Variants in MDN1 observed in about 807,000 individuals in gnomAD.
MDN1 encodes midasin AAA ATPase 1.
Under a neutral mutation model 669.2 loss-of-function variants are expected in MDN1, and 266 were observed. That is an observed-to-expected ratio of 0.40 (90% CI 0.36 to 0.44). MDN1 has a LOEUF of 0.44. MDN1 is among the 20% of genes least tolerant of loss of function. The probability of loss-of-function intolerance (pLI) is 1.00; values close to 1 mark genes in which losing one functional copy is unlikely to be tolerated. For synonymous variants in MDN1, 2,385 were observed against 2,457.1 expected (o/e 0.97, Z 0.87); for missense variants, 5,940 against 6,754.0 (o/e 0.88, Z 4.22).
chr6:89,701,564 A>T lies in MDN1; in HGVS notation c.8421T>A (p.Pro2807=), dbSNP rs751667571. Residue 2807 remains proline (P), a synonymous_variant, in exon 55 of 102, where the codon CCT becomes CCA. Coordinates refer to ENST00000369393, the MANE Select transcript of MDN1 (RefSeq NM_014611.3). The stretch of plus-strand genomic sequence containing the variant: ...TAAATGCTTCCAGGTGTACCTTAAA[A>T]GGAAACGGTCGTCCCAGGAACTTCT... ...KLQKFLGRPF[P]FKDKLVVECF... is the part of the protein sequence containing the mutation. 1.2e-6 allele frequency: 2 copies of T among 1,613,970 alleles called. No individual in the cohort carries two copies. The highest frequency in any genetic ancestry group is 4.5e-5 in the East Asian group (2 of 44,888).
chr6:89,796,340 A>AAAAAC lies in MDN1; in HGVS notation c.330-1540_330-1539insGTTTT, dbSNP rs1562228993. On this transcript the variant is annotated intron_variant, in intron 2 of 101. Transcript: ENST00000369393. ...ACTCTGTCTCAAAAAAAAAAAAAAA[A>AAAAAC]AAAAAAAAAACAAAAAAAAAAACCA... Among the ~76,000 whole-genome samples, 47 of 116,686 alleles carry AAAAAC rather than the reference A, an allele frequency of 4.0e-4. 2 individuals are homozygous for AAAAAC. The highest frequency in any genetic ancestry group is 2.0e-3 in the South Asian group (7 of 3,472). 76.6% of individuals were successfully genotyped at this position (116,686 alleles called of 152,430 possible). A position where few individuals can be genotyped will look rare whatever the true frequency, so the allele number is the denominator to read the frequency against.
intron 59 of MDN1, 26 bp from the exon 60 acceptor site, chr6:89,696,600 A>C (rs1229823381): frequency 2.6e-6 from 4 of 1,564,512 alleles, no homozygotes; most frequent in Non-Finnish European, 3.5e-6. Flanking sequence ...AGAGTCAATA[A>C]CTTTTAGAAA....
At chr6:89,743,848 C>A (rs1816424275) in intron 29 of MDN1, 134 bp from the exon 30 acceptor site, 2 of 936,582 alleles carry the variant, frequency 2.1e-6, no homozygotes, top group South Asian at 3.2e-5. Flanking sequence ...CAATGTGGAA[C>A]CTCAACCCCA....
In MDN1 at chr6:89,819,764, C is replaced by G; in HGVS notation, c.-157G>C. ...CCTACACCGGGAGAGGGGCACCACA[C>G]GTGGGTGAGCACACGGCGTTTGACG... On this transcript the variant is annotated 5_prime_UTR_variant, in exon 1 of 102. Coordinates refer to ENST00000369393, the MANE Select transcript of MDN1 (RefSeq NM_014611.3). 1 of 625,506 alleles carries G rather than the reference C, an allele frequency of 1.6e-6. No individual in the cohort carries two copies. Among genetic ancestry groups the G allele is most frequent in the Non-Finnish European group, 2.8e-6 (1 of 351,950 alleles). The allele number at this position is 625,506 out of a possible 1,614,324, so 38.7% of individuals were successfully genotyped here.
chr6:89,644,879 A>G (rs1808386607), intron 101 of MDN1, 136 bp downstream of exon 101: 18 of 907,320 alleles, frequency 2.0e-5, no homozygotes, highest in Non-Finnish European at 2.6e-5. Flanking sequence ...AGTGCCTACA[A>G]TGGTACTTGA....
At chr6:89,709,896 C>T (rs149528359) in intron 50 of MDN1, among the ~76,000 whole-genome samples, 260 of 152,164 alleles carry the variant, frequency 1.7e-3, no homozygotes, top group Non-Finnish European at 3.1e-3. Flanking sequence ...TTTATAACTT[C>T]GTCATCAAGG....
rs760791295 is a variant in MDN1 at position 89,702,089 on chromosome 6, G to A, written c.8149-28C>T. The A allele has an allele frequency of 6.4e-6, 10 of 1,551,076 alleles. No homozygotes were observed. In the African/African-American group the frequency reaches 9.8e-5, roughly 15 times the overall value. On this transcript the variant is annotated intron_variant, in intron 53 of 101. Coordinates refer to ENST00000369393, the MANE Select transcript of MDN1 (RefSeq NM_014611.3). The stretch of plus-strand genomic sequence containing the variant: ...AAAAACAAAGTCTCTTAGATAAGAT[G>A]GCATGAAGAAAGACTAAAGCAAGAA...
At position 89,690,113 on chromosome 6, in the gene MDN1, A is replaced by G; in HGVS notation, c.10780T>C (p.Leu3594=). The change falls in exon 65 of 102, where the codon TTG becomes CTG. Residue 3594 remains leucine (L), a synonymous_variant. Coordinates refer to ENST00000369393, the MANE Select transcript of MDN1 (RefSeq NM_014611.3). ...DFADILVQPT[L]EENKGTSDGQ... ...TCTGAAGTTCCTTTGTTCTCCTCCA[A>G]CGTTGGCTGCACCAAAATATCTGCA... is the stretch of plus-strand genomic sequence containing the variant. 1 of 1,614,174 alleles carries G rather than the reference A, an allele frequency of 6.2e-7. No individual in the cohort carries two copies. The highest frequency in any genetic ancestry group is 1.1e-5 in the South Asian group (1 of 91,080).
intron 12 of MDN1, among the ~76,000 whole-genome samples, chr6:89,775,494 A>C (rs1010894287): frequency 2.0e-5 from 3 of 152,194 alleles, no homozygotes; most frequent in Non-Finnish European, 2.9e-5. Flanking sequence ...AGAATGTCAG[A>C]TATCTGCTTC....
chr6:89,736,626 C>CA (rs55799103), intron 33 of MDN1, among the ~76,000 whole-genome samples: 25 of 150,490 alleles, frequency 1.7e-4, no homozygotes, highest in Admixed American at 9.9e-4. Flanking sequence ...CCCCATCTCT[C>CA]AAAAAAAAAA....
chr6:89,730,726 C>A lies in MDN1; in HGVS notation c.5140G>T (p.Gly1714Ter). ...WGIHPFFIPR[G>*]PVLHRNNIAD... ...TTCATTTTTTAAAAATCATTCTTAC[C>A]CCTTGGTATAAAAAATGGATGAATT... is the stretch of plus-strand genomic sequence containing the variant. Residue 1714 changes from glycine to a stop codon, truncating the protein, a stop_gained and splice_region_variant, in exon 35 of 102, where the codon GGA becomes TGA. Coordinates refer to ENST00000369393, the MANE Select transcript of MDN1 (RefSeq NM_014611.3). LOFTEE classifies it high-confidence loss of function. 2 of 1,610,018 alleles carry A rather than the reference C, an allele frequency of 1.2e-6. No homozygotes were observed. Among genetic ancestry groups the A allele is most frequent in the Non-Finnish European group, 1.7e-6 (2 of 1,178,352 alleles).
At chr6:89,799,746 G>A (rs1466747943) in intron 2 of MDN1, among the ~76,000 whole-genome samples, 1 of 152,082 alleles carries the variant, frequency 6.6e-6, no homozygotes, top group Non-Finnish European at 1.5e-5. Flanking sequence ...TACCACAACG[G>A]GAAAAAGTGT....
In MDN1 at chr6:89,772,467, G is replaced by A. The variant is rs1327972686; in HGVS notation, c.2083+106C>T. 3.2e-6 allele frequency: 4 copies of A among 1,262,288 alleles called. No individual in the cohort carries two copies. In the African/African-American group the frequency reaches 6.0e-5, roughly 19 times the overall value. 78.2% of individuals were successfully genotyped at this position (1,262,288 alleles called of 1,614,324 possible). A position where few individuals can be genotyped will look rare whatever the true frequency, so the allele number is the denominator to read the frequency against. On this transcript the variant is annotated intron_variant, in intron 14 of 101. Transcript: ENST00000369393. The stretch of plus-strand genomic sequence containing the variant: ...AGGCAGAGATTACATGTGGGGTGCT[G>A]GCACTCTTTAAACTCTGTGGTCTTT...
chr6:89,804,721 C>T (rs748184072), intron 1 of MDN1, among the ~76,000 whole-genome samples: 2 of 152,062 alleles, frequency 1.3e-5, no homozygotes, highest in African/African-American at 2.4e-5. Context: ...CACTTTGATA[C>T]GGAAGATGAA....
Position 89,678,733 on chromosome 6 carries a change from G to A in MDN1, c.12278C>T (p.Ser4093Phe). ...TAAGCTCTGCAGCTCACTCACAGAG[G>A]AAATCACTTCACCTGTAAGGGAAAA... ...GLDQFTGEVISSVSELQSLKV... is the reference protein window; with the variant it reads ...GLDQFTGEVIFSVSELQSLKV... Residue 4093 changes from serine (S) to phenylalanine (F), a missense_variant, in exon 75 of 102, where the codon TCC becomes TTC. Ser to Phe is a radical substitution (Grantham distance 155). Coordinates refer to ENST00000369393, the MANE Select transcript of MDN1 (RefSeq NM_014611.3). 6.2e-7 allele frequency: 1 copy of A among 1,612,152 alleles called. No individual in the cohort carries two copies. Among genetic ancestry groups the A allele is most frequent in the Non-Finnish European group, 8.5e-7 (1 of 1,179,212 alleles).
intron 46 of MDN1, 151 bp from the exon 47 acceptor site, chr6:89,713,447 T>G: frequency 1.5e-6 from 1 of 675,426 alleles, no homozygotes; most frequent in East Asian, 2.7e-5. Context: ...TCTAGAGTCC[T>G]CCGAGGGCAC....
intron 85 of MDN1, among the ~76,000 whole-genome samples, 156 bp from the exon 86 acceptor site, chr6:89,663,123 T>A (rs1313776082): frequency 6.6e-6 from 1 of 152,200 alleles, no homozygotes; most frequent in East Asian, 1.9e-4. Flanking sequence ...CCTTTAGATC[T>A]ACTGACATAG....
intron 83 of MDN1, among the ~76,000 whole-genome samples, chr6:89,670,093 G>GATTACA (rs367708624): frequency 7.7e-6 from 1 of 130,676 alleles, no homozygotes; most frequent in Non-Finnish European, 1.6e-5. Flanking sequence ...ATCACGTGGA[G>GATTACA]ATTACAATTA....
Position 89,812,388 on chromosome 6 carries a change from G to A in MDN1, c.102+7118C>T, listed in dbSNP as rs139124237. Among the ~76,000 whole-genome samples, 868 of 152,006 alleles carry A rather than the reference G, an allele frequency of 5.7e-3. 8 individuals are homozygous for A. The highest frequency in any genetic ancestry group is 0.02 in the African/African-American group (819 of 41,466). ...TTGTCTGAGCTCAGCCACTGCACCC[G>A]GCCAGGAAAAAATATTTTTAAGGTG... On this transcript the variant is annotated intron_variant, in intron 1 of 101. Transcript: ENST00000369393.
Sources: gnomAD v4.1 joint callset for allele counts (sites outside exome capture counted in the v4.1 genomes callset) on GRCh38, gnomAD v4.1.1 for gene constraint, MANE v1.5 for transcripts, NCBI Gene and HGNC (gene_info 2026-07-23, HGNC 2026-07-21) for gene names.